Variants in MYO3B observed in about 807,000 individuals in gnomAD.
The protein encoded by MYO3B is myosin IIIB.
Under a neutral mutation model 174.6 loss-of-function variants are expected in MYO3B, and 156 were observed. That is an observed-to-expected ratio of 0.89 (90% confidence interval 0.78 to 1.02). MYO3B has a LOEUF of 1.02. Ranked by LOEUF, MYO3B falls within the 50% of genes least tolerant of loss-of-function variation. The probability of loss-of-function intolerance (pLI) is 0.00; values close to 1 mark genes in which losing one functional copy is unlikely to be tolerated. For synonymous variants in MYO3B, 563 were observed against 569.1 expected, an observed-to-expected ratio of 0.99 and a Z score of 0.15; for missense variants, 1,632 against 1,639.4, an observed-to-expected ratio of 1.00 and a Z score of 0.08.
chr2:170,295,152 A>G (rs1559366461), intron 7 of MYO3B, among the ~76,000 whole-genome samples: 1 of 151,722 alleles, frequency 6.6e-6, no homozygotes, highest in Admixed American at 6.6e-5. Flanking sequence ...CCTCCTTTCA[A>G]TGTTGATGAG....
At chr2:170,318,760 TGACAACTAACACCCAAA>T (rs1269716631) in intron 7 of MYO3B, among the ~76,000 whole-genome samples, 3 of 152,164 alleles carry the variant, frequency 2.0e-5, no homozygotes, top group Non-Finnish European at 4.4e-5. Context: ...TGGAGCTTGA[TGACAACTAACACCCAAA>T]GGTATGAGAA....
intron 7 of MYO3B, among the ~76,000 whole-genome samples, chr2:170,308,902 T>G (rs1559376480): frequency 6.6e-6 from 1 of 151,982 alleles, no homozygotes; most frequent in Non-Finnish European, 1.5e-5. Flanking sequence ...GAGGGAAACA[T>G]GTAGGTGTAA....
intron 28 of MYO3B, among the ~76,000 whole-genome samples, chr2:170,505,015 A>G (rs16858652): frequency 6.6e-6 from 1 of 152,074 alleles, no homozygotes; most frequent in Non-Finnish European, 1.5e-5. Flanking sequence ...TGCCTTTCAA[A>G]TACATGAGCT....
At chr2:170,480,495 G>A (rs1685622147) in intron 25 of MYO3B, among the ~76,000 whole-genome samples, 1 of 152,174 alleles carries the variant, frequency 6.6e-6, no homozygotes, top group African/African-American at 2.4e-5. Flanking sequence ...TAATGAACTG[G>A]TAAAAGTAAG....
At position 170,385,658 on chromosome 2, in the gene MYO3B, T is replaced by C. The variant is rs57951593; in HGVS notation, c.1291-531T>C. 4.5e-3 allele frequency among the ~76,000 whole-genome samples: 688 copies of C among 152,282 alleles called. 3 individuals carry two copies. Among genetic ancestry groups the C allele is most frequent in the African/African-American group, 0.016 (662 of 41,530 alleles). ...CTTAAGCATATGGAAGGAGGCCTCA[T>C]TCATAATTTTTAAAATGCAGAATAA... On this transcript the variant is annotated intron_variant, in intron 12 of 34. Coordinates refer to ENST00000408978, the MANE Select transcript of MYO3B (RefSeq NM_138995.5).
At chr2:170,427,080 A>G (rs774993975) in intron 22 of MYO3B, among the ~76,000 whole-genome samples, 1 of 152,198 alleles carries the variant, frequency 6.6e-6, no homozygotes, top group African/African-American at 2.4e-5. Flanking sequence ...TAACATCTAT[A>G]AGGAGCCAAA....
chr2:170,544,705 C>T (rs1021266702), intron 32 of MYO3B, among the ~76,000 whole-genome samples: 26 of 152,278 alleles, frequency 1.7e-4, no homozygotes, highest in Non-Finnish European at 3.7e-4. Flanking sequence ...CAAAGTAGCA[C>T]AGTATGAAGT....
chr2:170,529,376 A>T (rs1010728844), intron 30 of MYO3B, among the ~76,000 whole-genome samples: 10 of 151,086 alleles, frequency 6.6e-5, no homozygotes, highest in African/African-American at 1.2e-4. Context: ...AAAAAAAAAA[A>T]TTTCAGTCTC....
intron 30 of MYO3B, among the ~76,000 whole-genome samples, chr2:170,532,709 G>C (rs978148442): frequency 3.3e-5 from 5 of 151,806 alleles, no homozygotes; most frequent in African/African-American, 7.3e-5. Context: ...CCAGCTACTC[G>C]GGAGGCTGAG....
intron 21 of MYO3B, among the ~76,000 whole-genome samples, 195 bp downstream of exon 21, chr2:170,405,828 C>T (rs2094505932): frequency 6.6e-6 from 1 of 152,224 alleles, no homozygotes; most frequent in South Asian, 2.1e-4. Context: ...GAAGCAATTT[C>T]TCACTGGGGT....
At chr2:170,261,108 C>T (rs951946612) in intron 7 of MYO3B, among the ~76,000 whole-genome samples, 1 of 152,182 alleles carries the variant, frequency 6.6e-6, no homozygotes, top group Non-Finnish European at 1.5e-5. Context: ...ACCGCAAACT[C>T]CGCCTTCCGG....
At chr2:170,587,138 C>G (rs192612463) in intron 32 of MYO3B, among the ~76,000 whole-genome samples, 1 of 152,284 alleles carries the variant, frequency 6.6e-6, no homozygotes, top group Admixed American at 6.5e-5. Flanking sequence ...AAAAGTGTAG[C>G]ACATACACAT....
At chr2:170,327,311 G>A (rs1390638139) in intron 7 of MYO3B, among the ~76,000 whole-genome samples, 3 of 152,232 alleles carry the variant, frequency 2.0e-5, no homozygotes, top group African/African-American at 7.2e-5. Context: ...CTTGAACCCA[G>A]GAGATGGAGA....
chr2:170,261,060 G>T (rs1285433103), intron 7 of MYO3B, among the ~76,000 whole-genome samples: 1 of 152,130 alleles, frequency 6.6e-6, no homozygotes, highest in African/African-American at 2.4e-5. Context: ...TTTCACCCTT[G>T]TTGCCCAGGC....
chr2:170,286,240 T>C (rs6722835), intron 7 of MYO3B, among the ~76,000 whole-genome samples: 46,538 of 152,108 alleles, frequency 0.31, 7,316 homozygotes, highest in South Asian at 0.43. Flanking sequence ...GGTTTCTCCG[T>C]TGCTCTGTTT....
intron 7 of MYO3B, among the ~76,000 whole-genome samples, chr2:170,261,604 C>T (rs189649297): frequency 1.2e-3 from 183 of 152,282 alleles, no homozygotes; most frequent in African/African-American, 4.1e-3. Flanking sequence ...CATGCATAAT[C>T]CCATGATATG....
intron 25 of MYO3B, among the ~76,000 whole-genome samples, chr2:170,495,133 A>G (rs1686780537): frequency 6.6e-6 from 1 of 152,174 alleles, no homozygotes; most frequent in African/African-American, 2.4e-5. Context: ...TTTTACATTT[A>G]TTATTTTGCT....
intron 8 of MYO3B, among the ~76,000 whole-genome samples, chr2:170,356,789 A>G (rs2094124832): frequency 6.6e-6 from 1 of 151,974 alleles, no homozygotes; most frequent in African/African-American, 2.4e-5. Flanking sequence ...CTTTAAAAAA[A>G]TGTTTTAAGA....
chr2:170,391,121 C>A (rs1445614120), intron 14 of MYO3B, among the ~76,000 whole-genome samples: 1 of 152,072 alleles, frequency 6.6e-6, no homozygotes, highest in Non-Finnish European at 1.5e-5. Flanking sequence ...GTGAGACTTG[C>A]AGGCCACTTC....
Sources: allele counts gnomAD v4.1 joint callset (sites outside exome capture counted in the v4.1 genomes callset), GRCh38; gene constraint gnomAD v4.1.1; transcripts MANE v1.5; gene names NCBI Gene and HGNC (gene_info 2026-07-23, HGNC 2026-07-21).